SGCZ: variants seen among roughly 807,000 people sequenced by gnomAD.
SGCZ encodes sarcoglycan zeta, also known as zeta-sarcoglycan.
SGCZ carries 40 observed loss-of-function variants against 41.3 expected under a neutral mutation model. The ratio of observed to expected loss-of-function variants is 0.97; its 90% confidence interval spans 0.75 to 1.26. SGCZ has a LOEUF of 1.26. Ranked by LOEUF, SGCZ falls within the 50% of genes most tolerant of loss-of-function variation. The pLI is 0.00. For synonymous variants in SGCZ, 206 were observed against 137.5 expected (o/e 1.50, Z -3.49); for missense variants, 552 against 369.8 (o/e 1.49, Z -4.04).
intron 7 of SGCZ, among the ~76,000 whole-genome samples, chr8:14,094,394 T>A (rs922248540): frequency 6.6e-6 from 1 of 152,114 alleles, no homozygotes; most frequent in African/African-American, 2.4e-5. Context: ...GTGTTTGGTT[T>A]TCTGTTCTTG....
At chr8:14,511,181 T>G (rs1802457104) in intron 2 of SGCZ, among the ~76,000 whole-genome samples, 1 of 149,098 alleles carries the variant, frequency 6.7e-6, no homozygotes, top group Admixed American at 6.8e-5. Flanking sequence ...CTCTATCTGC[T>G]TGACTATATA....
rs1040359214 is a variant in SGCZ at position 14,461,139 on chromosome 8, C to A, written c.234+93593G>T. ...CCAATCAGGTTCCTTCGCAGGGCTG[C>A]TGTCTGTAGGATTCTCTGTCAGCTC... On this transcript the variant is annotated intron_variant, in intron 2 of 7. Transcript: ENST00000382080. Among the ~76,000 whole-genome samples, 5 of 152,208 alleles carry A rather than the reference C, an allele frequency of 3.3e-5. No homozygotes were observed. In the East Asian group the frequency reaches 9.7e-4, roughly 29 times the overall value.
chr8:14,213,552 G>C (rs954657260), intron 4 of SGCZ, among the ~76,000 whole-genome samples: 6 of 151,736 alleles, frequency 4.0e-5, no homozygotes, highest in Admixed American at 1.3e-4. Flanking sequence ...CATAATTAAA[G>C]GAAACTTTCC....
intron 1 of SGCZ, among the ~76,000 whole-genome samples, chr8:14,733,357 G>A (rs1798930518): frequency 6.6e-6 from 1 of 152,108 alleles, no homozygotes; most frequent in African/African-American, 2.4e-5. Flanking sequence ...CATTCCCTCT[G>A]CCTCCTAACC....
chr8:14,709,880 G>A (rs900229086), intron 1 of SGCZ, among the ~76,000 whole-genome samples: 3 of 151,922 alleles, frequency 2.0e-5, no homozygotes, highest in Admixed American at 6.6e-5. Flanking sequence ...TATGACACAG[G>A]GACTCTCCTT....
At chr8:14,952,956 A>C (rs1800686509) in intron 1 of SGCZ, among the ~76,000 whole-genome samples, 1 of 152,178 alleles carries the variant, frequency 6.6e-6, no homozygotes, top group African/African-American at 2.4e-5. Context: ...TTCTAGAGCA[A>C]GAGAAAAATA....
intron 3 of SGCZ, among the ~76,000 whole-genome samples, chr8:14,287,547 G>C (rs1040768785): frequency 1.3e-5 from 2 of 152,042 alleles, no homozygotes; most frequent in African/African-American, 2.4e-5. Flanking sequence ...TACTAGTGCA[G>C]TGTTAAAAAC....
At chr8:14,522,687 T>C (rs1217045404) in intron 2 of SGCZ, among the ~76,000 whole-genome samples, 1 of 151,762 alleles carries the variant, frequency 6.6e-6, no homozygotes, top group Admixed American at 6.6e-5. Context: ...TTTTCATTTG[T>C]TTTTTCTTAT....
intron 2 of SGCZ, among the ~76,000 whole-genome samples, chr8:14,343,513 G>C (rs1802781811): frequency 6.6e-6 from 1 of 152,194 alleles, no homozygotes. Context: ...GTCATTTGCT[G>C]ATTAGAGGCT....
At chr8:14,191,404 C>G (rs773329466) in intron 4 of SGCZ, among the ~76,000 whole-genome samples, 6 of 152,096 alleles carry the variant, frequency 3.9e-5, no homozygotes, top group Non-Finnish European at 7.4e-5. Context: ...AAAATCACTG[C>G]CAAGGTTAAT....
At chr8:14,922,513 G>A (rs1799618810) in intron 1 of SGCZ, among the ~76,000 whole-genome samples, 1 of 152,016 alleles carries the variant, frequency 6.6e-6, no homozygotes. Flanking sequence ...GGAGTGCAAT[G>A]GCGCGATTTC....
At chr8:15,170,090 A>G (rs1346512539) in intron 1 of SGCZ, among the ~76,000 whole-genome samples, 1 of 152,118 alleles carries the variant, frequency 6.6e-6, no homozygotes, top group Non-Finnish European at 1.5e-5. Context: ...TGGCAATTGA[A>G]AAACTTTCTG....
At chr8:14,849,725 T>G (rs1803250557) in intron 1 of SGCZ, among the ~76,000 whole-genome samples, 1 of 152,098 alleles carries the variant, frequency 6.6e-6, no homozygotes, top group Non-Finnish European at 1.5e-5. Context: ...TACAGTGGTG[T>G]CTATTTAATG....
intron 2 of SGCZ, among the ~76,000 whole-genome samples, chr8:14,440,854 C>CAT (rs36063571): frequency 0.22 from 24,475 of 112,932 alleles, 4,053 homozygotes; most frequent in Admixed American, 0.26. Flanking sequence ...CATATATGTA[C>CAT]ACACACACAC....
At chr8:14,782,025 G>T (rs1238686552) in intron 1 of SGCZ, among the ~76,000 whole-genome samples, 2 of 152,084 alleles carry the variant, frequency 1.3e-5, no homozygotes, top group Non-Finnish European at 2.9e-5. Flanking sequence ...CTCTGTACTT[G>T]ACTAGTTGCT....
intron 1 of SGCZ, among the ~76,000 whole-genome samples, chr8:14,816,943 T>C (rs1801920941): frequency 6.6e-6 from 1 of 152,216 alleles, no homozygotes; most frequent in African/African-American, 2.4e-5. Flanking sequence ...AATTACTTTT[T>C]AATTAGACTG....
At chr8:14,264,555 T>A (rs1799806392) in intron 3 of SGCZ, among the ~76,000 whole-genome samples, 1 of 152,056 alleles carries the variant, frequency 6.6e-6, no homozygotes, top group African/African-American at 2.4e-5. Flanking sequence ...ACCTGCAGAC[T>A]AGTAACAAAA....
At chr8:14,333,066 T>C (rs1023711806) in intron 2 of SGCZ, among the ~76,000 whole-genome samples, 1 of 152,074 alleles carries the variant, frequency 6.6e-6, no homozygotes, top group African/African-American at 2.4e-5. Context: ...TATATTTTTC[T>C]ACAGGCAATT....
At chr8:14,235,787 T>A (rs985201095) in intron 4 of SGCZ, among the ~76,000 whole-genome samples, 1 of 152,024 alleles carries the variant, frequency 6.6e-6, no homozygotes, top group Non-Finnish European at 1.5e-5. Flanking sequence ...TGGGTTCGAG[T>A]GATTCTCCAG....
Sources: allele counts gnomAD v4.1 joint callset (sites outside exome capture counted in the v4.1 genomes callset), GRCh38; gene constraint gnomAD v4.1.1; transcripts MANE v1.5; gene names NCBI Gene and HGNC (gene_info 2026-07-23, HGNC 2026-07-21).